IL7: variants seen among roughly 807,000 people sequenced by gnomAD.
IL7 encodes interleukin-7.
In IL7, 3 loss-of-function variants were observed where a neutral mutation model predicts 21.6. The observed-to-expected ratio is 0.14, with a 90% CI of 0.06 to 0.36. IL7 has a LOEUF of 0.36. IL7 is among the 10% of genes least tolerant of loss of function. IL7 has a pLI of 1.00. For synonymous variants in IL7, 62 were observed against 68.1 expected, an observed-to-expected ratio of 0.91 and a Z score of 0.44; for missense variants, 175 against 200.2, an observed-to-expected ratio of 0.87 and a Z score of 0.76.
At position 78,798,868 on chromosome 8, in the gene IL7, C is replaced by T. The variant is rs150946930; in HGVS notation, c.11-660G>A. Among the ~76,000 whole-genome samples the T allele has an allele frequency of 3.5e-3, 537 of 152,174 alleles. 3 individuals carry two copies. The highest frequency in any genetic ancestry group is 0.012 in the African/African-American group (492 of 41,556). ...AGACCCAGATTCTTTTCAAACACAG[C>T]GCTATCCAGCTTCTTGTCATGTTAG... On this transcript the variant is annotated intron_variant, in intron 1 of 5. Coordinates refer to ENST00000263851, the MANE Select transcript of IL7 (RefSeq NM_000880.4).
At chr8:78,706,814 T>G (rs1810788082) in intron 3 of IL7, among the ~76,000 whole-genome samples, 1 of 152,190 alleles carries the variant, frequency 6.6e-6, no homozygotes, top group African/African-American at 2.4e-5. Flanking sequence ...ATTTTGCTTC[T>G]CAATTCAGAC....
At chr8:78,692,390 C>T (rs1019069460) in intron 3 of IL7, among the ~76,000 whole-genome samples, 2 of 152,156 alleles carry the variant, frequency 1.3e-5, no homozygotes, top group Non-Finnish European at 2.9e-5. Flanking sequence ...ACTAAATCTG[C>T]CACCTGTGGT....
Position 78,752,067 on chromosome 8 carries a change from C to G in IL7, c.148-11985G>C, listed in dbSNP as rs551988338. Among the ~76,000 whole-genome samples the G allele has an allele frequency of 5.9e-5, 9 of 152,258 alleles. No homozygotes were observed. The South Asian group carries it at 1.5e-3, about 25-fold the overall frequency. On this transcript the variant is annotated intron_variant, in intron 2 of 5. Coordinates refer to ENST00000263851, the MANE Select transcript of IL7 (RefSeq NM_000880.4). Reference sequence around the variant, plus strand: ...CCGATTTGGCTTAATATAAAGTCCTCCAGGCTCATCTGTGTTGCTGTGAGT... The same window carrying G: ...CCGATTTGGCTTAATATAAAGTCCTGCAGGCTCATCTGTGTTGCTGTGAGT...
At chr8:78,748,385 A>T (rs1017094430) in intron 2 of IL7, among the ~76,000 whole-genome samples, 25 of 152,240 alleles carry the variant, frequency 1.6e-4, no homozygotes, top group African/African-American at 5.5e-4. Flanking sequence ...GAAATACATG[A>T]ATAGATTTGA....
At chr8:78,689,373 G>A in intron 3 of IL7, 2 of 1,569,890 alleles carry the variant, frequency 1.3e-6, no homozygotes, top group Non-Finnish European at 8.6e-7. Context: ...GGACACAGGT[G>A]GTAAGTTCAG....
chr8:78,741,758 A>C (rs984760424), intron 2 of IL7, among the ~76,000 whole-genome samples: 14 of 152,230 alleles, frequency 9.2e-5, no homozygotes, highest in African/African-American at 3.4e-4. Flanking sequence ...TATAGAGGTC[A>C]CAGTTATTAA....
chr8:78,700,981 T>C lies in IL7; in HGVS notation n.215-15034A>G, dbSNP rs947712665. Among the ~76,000 whole-genome samples the C allele has an allele frequency of 7.9e-5, 12 of 152,312 alleles. No homozygotes were observed. The East Asian group carries it at 2.3e-3, about 29-fold the overall frequency. ...AATTACCTTGGCTAGTTTGACTCAT[T>C]TTTTATTCTATATTAATGTTGAAAT... is the stretch of plus-strand genomic sequence containing the variant. On this transcript the variant is annotated intron_variant and non_coding_transcript_variant, in intron 3 of 4. Transcript: ENST00000523959.
chr8:78,753,268 C>T (rs542108673), intron 2 of IL7, among the ~76,000 whole-genome samples: 280 of 152,202 alleles, frequency 1.8e-3, no homozygotes, highest in African/African-American at 6.4e-3. Context: ...TTTTAATGAT[C>T]GCCATTCTAA....
At chr8:78,687,495 T>C (rs1313773211) in intron 3 of IL7, among the ~76,000 whole-genome samples, 1 of 143,320 alleles carries the variant, frequency 7.0e-6, no homozygotes, top group Non-Finnish European at 1.5e-5. Flanking sequence ...TATATATGTT[T>C]ATATAATAAA....
At chr8:78,779,201 C>T (rs1374231719) in intron 2 of IL7, among the ~76,000 whole-genome samples, 1 of 152,040 alleles carries the variant, frequency 6.6e-6, no homozygotes. Context: ...AGTTTGACTT[C>T]CTGTCTTCCT....
intron 2 of IL7, among the ~76,000 whole-genome samples, chr8:78,764,492 G>T (rs1563426187): frequency 6.6e-6 from 1 of 151,904 alleles, no homozygotes. Context: ...AAAAGTTGCA[G>T]GATACAAGAG....
At chr8:78,720,717 G>C (rs1811221495) in intron 5 of IL7, among the ~76,000 whole-genome samples, 1 of 151,892 alleles carries the variant, frequency 6.6e-6, no homozygotes, top group Non-Finnish European at 1.5e-5. Context: ...GTAATTGATA[G>C]AGATATTTAA....
chr8:78,695,914 A>T (rs985612511), intron 3 of IL7, among the ~76,000 whole-genome samples: 4 of 152,206 alleles, frequency 2.6e-5, no homozygotes, highest in Non-Finnish European at 4.4e-5. Context: ...GAAGGATATA[A>T]TGTTTGACTT....
chr8:78,698,930 T>C (rs1226757467), intron 3 of IL7, among the ~76,000 whole-genome samples: 1 of 152,172 alleles, frequency 6.6e-6, no homozygotes, highest in Non-Finnish European at 1.5e-5. Context: ...CAAAGCCACA[T>C]AGCTGTTAAA....
At chr8:78,795,387 A>C (rs1440954641) in intron 2 of IL7, among the ~76,000 whole-genome samples, 1 of 152,106 alleles carries the variant, frequency 6.6e-6, no homozygotes, top group Non-Finnish European at 1.5e-5. Flanking sequence ...GTTACTATGG[A>C]ACTACTCAGT....
downstream of IL7, among the ~76,000 whole-genome samples, chr8:78,716,057 G>A (rs1031569960): frequency 4.0e-5 from 6 of 149,242 alleles, no homozygotes; most frequent in African/African-American, 1.5e-4. Flanking sequence ...AAAAAAAAAG[G>A]CTGTTATAGT....
chr8:78,760,566 C>T (rs552413751), intron 2 of IL7: 1 of 1,552,280 alleles, frequency 6.4e-7, no homozygotes, highest in East Asian at 2.3e-5. Flanking sequence ...TGGTGTTCCT[C>T]CAAAGTATTG....
intron 5 of IL7, among the ~76,000 whole-genome samples, chr8:78,734,633 C>T (rs1048340817): frequency 2.0e-4 from 31 of 152,094 alleles, no homozygotes; most frequent in African/African-American, 7.5e-4. Context: ...TTAAAATCAA[C>T]ATAGTGTTTT....
intron 3 of IL7, among the ~76,000 whole-genome samples, chr8:78,699,851 T>TG (rs1810544823): frequency 6.6e-6 from 1 of 152,228 alleles, no homozygotes; most frequent in Non-Finnish European, 1.5e-5. Context: ...TACTATATTT[T>TG]CTTTATCCAG....
Sources: gnomAD v4.1 joint callset for allele counts (sites outside exome capture counted in the v4.1 genomes callset) on GRCh38, gnomAD v4.1.1 for gene constraint, MANE v1.5 for transcripts, NCBI Gene and HGNC (gene_info 2026-07-23, HGNC 2026-07-21) for gene names.